HORMAD2: variants seen among roughly 807,000 people sequenced by gnomAD.
HORMAD2 encodes HORMA domain containing 2.
HORMAD2 carries 45 observed loss-of-function variants against 38.8 expected under a neutral mutation model. The ratio of observed to expected loss-of-function variants is 1.16; its 90% CI spans 0.91 to 1.49. The LOEUF (loss-of-function observed/expected upper bound fraction) is 1.49, where lower values mean the gene tolerates loss of function less well. HORMAD2 is among the 40% of genes most tolerant of loss of function. HORMAD2 has a pLI of 0.00. For synonymous variants in HORMAD2, 126 were observed against 122.8 expected, an observed-to-expected ratio of 1.03 and a Z score of -0.17; for missense variants, 338 against 367.0, an observed-to-expected ratio of 0.92 and a Z score of 0.65.
At chr22:30,156,959 G>C (rs1925116176) in intron 10 of HORMAD2, among the ~76,000 whole-genome samples, 2 of 152,166 alleles carry the variant, frequency 1.3e-5, no homozygotes, top group South Asian at 4.1e-4. Flanking sequence ...AATTGTCTGA[G>C]AGGCAAATTT....
chr22:30,121,757 T>C lies in HORMAD2; in HGVS notation c.536T>C (p.Val179Ala), dbSNP rs759009961. 3 of 1,612,510 alleles carry C rather than the reference T, an allele frequency of 1.9e-6. No individual in the cohort carries two copies. The highest frequency in any genetic ancestry group is 1.1e-5 in the South Asian group (1 of 90,756). ...CTTGAGCCACTTCCTAATAATGTTG[T>C]ACTTACTATGAAACTCCACTACTAT... The part of the protein sequence containing the change: ...QDLEPLPNNV[V>A]LTMKLHYYNA... The change falls in exon 9 of 11, where the codon GTA (valine) becomes GCA (alanine). Residue 179 changes from valine (V) to alanine (A), a missense_variant. Physicochemically the swap from Val to Ala is moderately conservative, Grantham distance 64 (BLOSUM62 0). Coordinates refer to ENST00000336726, the MANE Select transcript of HORMAD2 (RefSeq NM_152510.4).
chr22:30,137,465 G>T (rs1923745207), intron 10 of HORMAD2: 1 of 229,866 alleles, frequency 4.4e-6, no homozygotes, highest in Non-Finnish European at 8.7e-6. Context: ...TGCAACCAGG[G>T]CTACAGAGCA....
intron 3 of HORMAD2, among the ~76,000 whole-genome samples, chr22:30,100,022 T>C (rs1920932194): frequency 6.6e-6 from 1 of 152,204 alleles, no homozygotes; most frequent in Admixed American, 6.5e-5. Context: ...AAGTAAATTA[T>C]AGATTCAATG....
chr22:30,088,974 G>A (rs923644203), intron 1 of HORMAD2, among the ~76,000 whole-genome samples: 3 of 152,098 alleles, frequency 2.0e-5, no homozygotes, highest in African/African-American at 7.2e-5. Context: ...AGTAAAGATA[G>A]CTTGGAATCT....
At chr22:30,141,619 G>A (rs1430030759) in intron 10 of HORMAD2, among the ~76,000 whole-genome samples, 1 of 146,678 alleles carries the variant, frequency 6.8e-6, no homozygotes, top group Non-Finnish European at 1.5e-5. Flanking sequence ...TTTTGAGACG[G>A]AGTCTTGCTC....
chr22:30,097,159 T>C (rs772506949), intron 2 of HORMAD2, among the ~76,000 whole-genome samples: 3 of 152,202 alleles, frequency 2.0e-5, no homozygotes, highest in Non-Finnish European at 4.4e-5. Flanking sequence ...ATTTTTATTT[T>C]TATGTTAATA....
chr22:30,126,400 C>G (rs975177987), intron 10 of HORMAD2, among the ~76,000 whole-genome samples: 1 of 152,136 alleles, frequency 6.6e-6, no homozygotes, highest in African/African-American at 2.4e-5. Flanking sequence ...ATCTCCTGAC[C>G]TCTTGATCAG....
At chr22:30,169,346 G>T (rs1261604804) in intron 10 of HORMAD2, among the ~76,000 whole-genome samples, 1 of 151,976 alleles carries the variant, frequency 6.6e-6, no homozygotes, top group East Asian at 1.9e-4. Context: ...CACAGAGAAG[G>T]TGCCCAAAAA....
Position 30,117,634 on chromosome 22 carries a change from G to A in HORMAD2, c.343-1346G>A, listed in dbSNP as rs189355847. 1.6e-3 allele frequency among the ~76,000 whole-genome samples: 245 copies of A among 152,042 alleles called. 1 individual carries two copies. Among genetic ancestry groups the A allele is most frequent in the African/African-American group, 5.6e-3 (234 of 41,468 alleles). On this transcript the variant is annotated intron_variant, in intron 7 of 10. Transcript: ENST00000336726. The stretch of plus-strand genomic sequence containing the variant: ...AGCGATTCTCCTGCCTCAGCCTCCT[G>A]AGTAGCTGGGATTACAGGCGCACAC...
At chr22:30,106,826 G>C (rs538336590) in intron 5 of HORMAD2, among the ~76,000 whole-genome samples, 1 of 152,330 alleles carries the variant, frequency 6.6e-6, no homozygotes, top group African/African-American at 2.4e-5. Flanking sequence ...AATTAAATGA[G>C]TTAATAATCT....
chr22:30,121,526 CTAA>C (rs2146128487), intron 8 of HORMAD2, 103 bp from the exon 9 acceptor site: 1 of 858,728 alleles, frequency 1.2e-6, no homozygotes, highest in East Asian at 3.0e-5. Flanking sequence ...TCAAAATATA[CTAA>C]TGTTTAATTT....
At chr22:30,150,386 G>C (rs368728079) in intron 10 of HORMAD2, among the ~76,000 whole-genome samples, 3 of 151,966 alleles carry the variant, frequency 2.0e-5, no homozygotes, top group African/African-American at 7.3e-5. Flanking sequence ...TCTTGCTCAT[G>C]GTTACAGAAT....
the HORMAD2 span, among the ~76,000 whole-genome samples, chr22:30,186,871 C>T: frequency 6.6e-6 from 1 of 150,674 alleles, no homozygotes; most frequent in South Asian, 2.1e-4. Context: ...GACAATAAGG[C>T]TTGCCATAAT....
intron 10 of HORMAD2, among the ~76,000 whole-genome samples, chr22:30,168,051 T>A (rs1444789592): frequency 1.3e-5 from 2 of 152,202 alleles, no homozygotes; most frequent in Non-Finnish European, 2.9e-5. Flanking sequence ...AGCATTCAAA[T>A]GTTTCATTTG....
chr22:30,197,654 G>T, the HORMAD2 span, among the ~76,000 whole-genome samples: 1,424 of 152,206 alleles, frequency 9.4e-3, 19 homozygotes, highest in African/African-American at 0.033. Context: ...ACCAGTTATG[G>T]ACAACAACTA....
Position 30,176,091 on chromosome 22 carries a change from A to C in HORMAD2, c.848A>C (p.Gln283Pro). 1 of 1,613,196 alleles carries C rather than the reference A, an allele frequency of 6.2e-7. No individual in the cohort carries two copies. The highest frequency in any genetic ancestry group is 8.5e-7 in the Non-Finnish European group (1 of 1,179,286). The change falls in exon 11 of 11, where the codon CAG (glutamine) becomes CCG (proline). Residue 283 changes from glutamine (Q) to proline (P), a missense_variant. Physicochemically the swap from Gln to Pro is moderately conservative, Grantham distance 76. Transcript: ENST00000336726. ...CAAAGAATGAATTTTGTGTGCAGTC[A>C]GCAAAGTTCTGAGTGCTCCAGGAAG... ...HIQRMNFVCS[Q>P]QSSECSRKKR...
downstream of HORMAD2, among the ~76,000 whole-genome samples, chr22:30,177,754 A>C (rs1601604592): frequency 7.5e-6 from 1 of 134,084 alleles, no homozygotes. Flanking sequence ...ATCTCAGCTC[A>C]CTGCAACATT....
the HORMAD2 span, among the ~76,000 whole-genome samples, chr22:30,188,675 A>T: frequency 2.6e-5 from 4 of 152,198 alleles, no homozygotes; most frequent in African/African-American, 9.6e-5. Context: ...CTTAATTGCT[A>T]AGTCAAAGTT....
chr22:30,162,107 G>C (rs116574350), intron 10 of HORMAD2, among the ~76,000 whole-genome samples: 21 of 152,284 alleles, frequency 1.4e-4, no homozygotes, highest in Admixed American at 1.2e-3. Flanking sequence ...TAGCCCAGCA[G>C]TTTGAGACCA....
Sources: allele counts gnomAD v4.1 joint callset (sites outside exome capture counted in the v4.1 genomes callset), GRCh38; gene constraint gnomAD v4.1.1; transcripts MANE v1.5; gene names NCBI Gene and HGNC (gene_info 2026-07-23, HGNC 2026-07-21).